Variants in NR2C2 observed in about 807,000 individuals in gnomAD.
NR2C2 encodes nuclear receptor subfamily 2 group C member 2, also known as Nuclear hormone receptor TR4.
A neutral mutation model predicts 62.9 loss-of-function variants in NR2C2; 6 were observed. That is an observed-to-expected ratio of 0.10 (90% CI 0.05 to 0.19). NR2C2 has a LOEUF of 0.19. NR2C2 is among the 10% of genes least tolerant of loss of function. The pLI is 1.00. For synonymous variants in NR2C2, 272 were observed against 273.8 expected (o/e 0.99, Z 0.07); for missense variants, 479 against 762.7 (o/e 0.63, Z 4.38).
At chr3:14,999,066 C>T (rs1394015161) in intron 1 of NR2C2, among the ~76,000 whole-genome samples, 1 of 152,156 alleles carries the variant, frequency 6.6e-6, no homozygotes, top group Non-Finnish European at 1.5e-5. Context: ...CCTGTAATCC[C>T]AGCACTTTGG....
rs938604271 is a variant in NR2C2 at position 15,005,599 on chromosome 3, T to C, written c.72+1613T>C. Reference sequence around the variant, plus strand: ...CATTTACTATTCACAGACAGGATCATAGGGCACTACAACCTCAAACTCCTG... The same window carrying C: ...CATTTACTATTCACAGACAGGATCACAGGGCACTACAACCTCAAACTCCTG... On this transcript the variant is annotated intron_variant, in intron 2 of 13. Transcript: ENST00000425241. Among the ~76,000 whole-genome samples, 3 of 149,120 alleles carry C rather than the reference T, an allele frequency of 2.0e-5. No individual in the cohort carries two copies. In the Admixed American group the frequency reaches 2.0e-4, roughly 10 times the overall value.
intron 2 of NR2C2, among the ~76,000 whole-genome samples, chr3:15,012,032 C>T (rs2041369565): frequency 6.6e-6 from 1 of 152,082 alleles, no homozygotes; most frequent in South Asian, 2.1e-4. Context: ...TTTTTTTGTT[C>T]ACGTCCCTAT....
Position 15,029,792 on chromosome 3 carries a change from AATAGATAGATAGATAGATAGATAG to A in NR2C2, c.933-455_933-432del, listed in dbSNP as rs144596298. On this transcript the variant is annotated intron_variant, in intron 8 of 13. Transcript: ENST00000425241. ...CCCATCTCTGAAAAAGTAAATAAAT[AATAGATAGATAGATAGATAGATAG>A]ATAGATAGATAGATAGATAGATAGA... is the stretch of plus-strand genomic sequence containing the variant. Among the ~76,000 whole-genome samples, 7 of 139,304 alleles carry A rather than the reference AATAGATAGATAGATAGATAGATAG, an allele frequency of 5.0e-5. 1 individual carries two copies. The highest frequency in any genetic ancestry group is 4.2e-4 in the East Asian group (2 of 4,764). 91.4% of individuals were successfully genotyped at this position (139,304 alleles called of 152,430 possible).
chr3:15,013,850 G>A, intron 3 of NR2C2, 61 bp downstream of exon 3: 1 of 1,562,944 alleles, frequency 6.4e-7, no homozygotes, highest in Non-Finnish European at 8.8e-7. Flanking sequence ...TTCCTGACTT[G>A]TTCTTACATC....
intron 1 of NR2C2, among the ~76,000 whole-genome samples, chr3:14,973,648 A>G (rs971911815): frequency 1.3e-5 from 2 of 152,152 alleles, no homozygotes; most frequent in African/African-American, 4.8e-5. Flanking sequence ...TTGCATGTGA[A>G]TATCTAGTTG....
intron 1 of NR2C2, among the ~76,000 whole-genome samples, chr3:14,967,855 T>G (rs1379307091): frequency 1.3e-5 from 2 of 152,154 alleles, no homozygotes; most frequent in African/African-American, 4.8e-5. Context: ...CTATCTTATC[T>G]TTGACAAACC....
chr3:15,032,600 T>C lies in NR2C2; in HGVS notation c.1232+100T>C, dbSNP rs968712920. 37 of 1,413,590 alleles carry C rather than the reference T, an allele frequency of 2.6e-5. No individual in the cohort carries two copies. In the East Asian group the frequency reaches 7.6e-4, roughly 29 times the overall value. The allele number at this position is 1,413,590 out of a possible 1,614,324, so 87.6% of individuals were successfully genotyped here. ...TGAGGGCCTGTCTAGTTTGACTGTTTCTATGACCTCATTCAAAGGACCCTG... is the reference window on the plus strand; with the variant it reads ...TGAGGGCCTGTCTAGTTTGACTGTTCCTATGACCTCATTCAAAGGACCCTG... On this transcript the variant is annotated intron_variant, in intron 10 of 13. Coordinates refer to ENST00000425241, the MANE Select transcript of NR2C2 (RefSeq NM_001291694.2).
chr3:14,978,879 T>A (rs1050959966), intron 1 of NR2C2, among the ~76,000 whole-genome samples: 4 of 152,060 alleles, frequency 2.6e-5, no homozygotes, highest in Non-Finnish European at 5.9e-5. Flanking sequence ...ATATGAGAGG[T>A]GGTGGTGATG....
chr3:15,048,986 C>CTGT lies in NR2C2; in HGVS notation c.*5981_*5983dup, dbSNP rs2042553334. 6.6e-6 allele frequency: 1 copy of CTGT among 152,590 alleles called. No homozygotes were observed. Among genetic ancestry groups the CTGT allele is most frequent in the African/African-American group, 2.4e-5 (1 of 41,442 alleles). The allele number at this position is 152,590 out of a possible 1,614,324, so 9.5% of individuals were successfully genotyped here. The stretch of plus-strand genomic sequence containing the variant: ...TACATTTTAATGCCAGGTTTAAAAC[C>CTGT]TGTTGAAAGCTGCAGCTTTATACAG... On this transcript the variant is annotated 3_prime_UTR_variant, in exon 14 of 14. Coordinates refer to ENST00000425241, the MANE Select transcript of NR2C2 (RefSeq NM_001291694.2).
At chr3:15,034,414 C>T (rs2042054330) in intron 10 of NR2C2, 1 of 406,712 alleles carries the variant, frequency 2.5e-6, no homozygotes, top group African/African-American at 2.0e-5. Flanking sequence ...TTTGGCCATA[C>T]CTATTAACAT....
chr3:15,039,284 C>A, intron 13 of NR2C2, 57 bp downstream of exon 13: 1 of 1,119,150 alleles, frequency 8.9e-7, no homozygotes, highest in South Asian at 1.2e-5. Context: ...GTGGCTGAGT[C>A]TGCAGTTTCT....
chr3:14,947,780 G>T lies in NR2C2; in HGVS notation c.-166G>T, dbSNP rs1330485737. On this transcript the variant is annotated 5_prime_UTR_variant, in exon 1 of 14. Coordinates refer to ENST00000425241, the MANE Select transcript of NR2C2 (RefSeq NM_001291694.2). ...TCGCCCGCTGCCCCGCGAGCCCGCG[G>T]CCCCCGGGCTCCCGCCATCCGCCGA... 6.7e-6 allele frequency: 1 copy of T among 149,232 alleles called. No homozygotes were observed. Among genetic ancestry groups the T allele is most frequent in the Non-Finnish European group, 1.5e-5 (1 of 66,922 alleles). The allele number at this position is 149,232 out of a possible 1,614,324, so 9.2% of individuals were successfully genotyped here. A position where few individuals can be genotyped will look rare whatever the true frequency, so the allele number is the denominator to read the frequency against.
At chr3:15,026,876 T>G (rs191737233) in intron 7 of NR2C2, 1 of 152,268 alleles carries the variant, frequency 6.6e-6, no homozygotes, top group Non-Finnish European at 1.5e-5. Flanking sequence ...ATTTTGTGTG[T>G]TTTGTTTTGA....
chr3:15,042,764 G>A lies in NR2C2; in HGVS notation c.1617-70G>A, dbSNP rs376719369. ...TCTGTGCAATACAGACGGGACCCCA[G>A]GAGCCTTTGCTGAGCTGTGGTTGAA... On this transcript the variant is annotated intron_variant, in intron 13 of 13. Coordinates refer to ENST00000425241, the MANE Select transcript of NR2C2 (RefSeq NM_001291694.2). 625 of 1,451,558 alleles carry A rather than the reference G, an allele frequency of 4.3e-4. No individual in the cohort carries two copies. The African/African-American group carries it at 7.9e-3, about 18-fold the overall frequency. The allele number at this position is 1,451,558 out of a possible 1,614,324, so 89.9% of individuals were successfully genotyped here. A position where few individuals can be genotyped will look rare whatever the true frequency, so the allele number is the denominator to read the frequency against.
chr3:15,041,670 A>G (rs2042269868), intron 13 of NR2C2, among the ~76,000 whole-genome samples: 1 of 152,142 alleles, frequency 6.6e-6, no homozygotes, highest in Non-Finnish European at 1.5e-5. Flanking sequence ...CCTGGGCAAC[A>G]TAGTGAGACC....
chr3:14,952,785 C>T (rs2039405238), intron 1 of NR2C2, among the ~76,000 whole-genome samples: 1 of 152,192 alleles, frequency 6.6e-6, no homozygotes, highest in Admixed American at 6.5e-5. Flanking sequence ...CCACTCTTTC[C>T]CCATATCCCA....
At chr3:14,964,073 T>C (rs2039766933) in intron 1 of NR2C2, among the ~76,000 whole-genome samples, 1 of 152,234 alleles carries the variant, frequency 6.6e-6, no homozygotes, top group Non-Finnish European at 1.5e-5. Context: ...CATTTAACGT[T>C]ATCAGTGGGT....
At chr3:15,025,546 C>G (rs1450766272) in intron 7 of NR2C2, 3 of 152,234 alleles carry the variant, frequency 2.0e-5, no homozygotes, top group Non-Finnish European at 4.4e-5. Context: ...ATACCCCCCA[C>G]AGAAGTTTGA....
At chr3:15,022,463 T>C (rs2125025716) in intron 5 of NR2C2, among the ~76,000 whole-genome samples, 1 of 141,684 alleles carries the variant, frequency 7.1e-6, no homozygotes, top group Non-Finnish European at 1.5e-5. Flanking sequence ...AGTGCAGTGG[T>C]GCCGCGTCTT....
Sources: allele counts gnomAD v4.1 joint callset (sites outside exome capture counted in the v4.1 genomes callset), GRCh38; gene constraint gnomAD v4.1.1; transcripts MANE v1.5; gene names NCBI Gene and HGNC (gene_info 2026-07-23, HGNC 2026-07-21).